The following CCDC158 variants were observed in gnomAD, a reference collection of about 807,000 sequenced individuals.
The protein encoded by CCDC158 is coiled-coil domain containing 158.
A neutral mutation model predicts 138.6 loss-of-function variants in CCDC158; 116 were observed. That is an observed-to-expected ratio of 0.84 (90% CI 0.72 to 0.98). The LOEUF (loss-of-function observed/expected upper bound fraction) is 0.98, where lower values mean the gene tolerates loss of function less well. CCDC158 is among the 50% of genes least tolerant of loss of function. The probability of loss-of-function intolerance (pLI) is 0.00; values close to 1 mark genes in which losing one functional copy is unlikely to be tolerated. For missense variants in CCDC158, 1,265 were observed against 1,306.1 expected (o/e 0.97, Z 0.48); for synonymous variants, 436 against 442.4 (o/e 0.99, Z 0.18).
chr4:76,361,959 T>A (rs1039730931), intron 13 of CCDC158, among the ~76,000 whole-genome samples, 167 bp downstream of exon 13: 2 of 152,202 alleles, frequency 1.3e-5, no homozygotes, highest in African/African-American at 4.8e-5. Flanking sequence ...GAACTCTTCA[T>A]GAAAACTATG....
intron 1 of CCDC158, among the ~76,000 whole-genome samples, chr4:76,415,097 T>C (rs537077327): frequency 1.3e-5 from 2 of 152,148 alleles, no homozygotes; most frequent in Non-Finnish European, 2.9e-5. Flanking sequence ...GGTGGTCAGA[T>C]GGAGATGAGG....
intron 1 of CCDC158, among the ~76,000 whole-genome samples, chr4:76,415,470 C>T (rs1207971803): frequency 6.6e-6 from 1 of 152,050 alleles, no homozygotes; most frequent in Non-Finnish European, 1.5e-5. Flanking sequence ...GGCGGCAAGC[C>T]ATCCAGGTGC....
At chr4:76,342,319 G>T (rs1424116563) in intron 18 of CCDC158, among the ~76,000 whole-genome samples, 1 of 152,132 alleles carries the variant, frequency 6.6e-6, no homozygotes, top group Non-Finnish European at 1.5e-5. Context: ...GGAATTTCAA[G>T]CATTAACCAC....
chr4:76,403,619 A>G (rs1349225806), intron 2 of CCDC158, among the ~76,000 whole-genome samples: 1 of 152,232 alleles, frequency 6.6e-6, no homozygotes, highest in Non-Finnish European at 1.5e-5. Flanking sequence ...GAAGTCACTA[A>G]TAAAAGTTGA....
At chr4:76,338,320 G>A (rs953992588) in intron 18 of CCDC158, among the ~76,000 whole-genome samples, 2 of 152,156 alleles carry the variant, frequency 1.3e-5, no homozygotes, top group Admixed American at 1.3e-4. Context: ...GACCAGCCTG[G>A]CCAACATAGC....
chr4:76,414,807 T>C (rs924042227), intron 1 of CCDC158, among the ~76,000 whole-genome samples: 3 of 152,254 alleles, frequency 2.0e-5, no homozygotes. Context: ...CCCAGCCGTG[T>C]GGAACTGTAA....
At chr4:76,345,383 C>T (rs1024462592) in intron 18 of CCDC158, 7 of 1,013,896 alleles carry the variant, frequency 6.9e-6, no homozygotes, top group South Asian at 1.3e-5. Flanking sequence ...GCAAAGACGT[C>T]AAATTGGCTG....
intron 3 of CCDC158, among the ~76,000 whole-genome samples, chr4:76,398,849 G>C (rs984221065): frequency 6.6e-6 from 1 of 152,032 alleles, no homozygotes; most frequent in Non-Finnish European, 1.5e-5. Context: ...GAGAGAGAGA[G>C]AGAGCGAATG....
At position 76,321,211 on chromosome 4, in the gene CCDC158, G is replaced by T. The variant is rs145441821; in HGVS notation, c.3277+2091C>A. Among the ~76,000 whole-genome samples, 602 of 152,162 alleles carry T rather than the reference G, an allele frequency of 4.0e-3. 4 individuals carry two copies. Among genetic ancestry groups the T allele is most frequent in the Non-Finnish European group, 6.6e-3 (450 of 67,970 alleles). ...GAAATGCAAATCAAAACAACAGTAT[G>T]ATACTACCTACTCCTGCAAGAATGG... is the stretch of plus-strand genomic sequence containing the variant. On this transcript the variant is annotated intron_variant, in intron 24 of 24. Transcript: ENST00000682701.
At chr4:76,396,520 GT>G in intron 3 of CCDC158, 34 bp from the exon 4 acceptor site, 16 of 1,527,220 alleles carry the variant, frequency 1.0e-5, no homozygotes, top group Admixed American at 3.7e-5. Flanking sequence ...TTAACTTTTC[GT>G]TTTTTTTGAG....
At chr4:76,361,203 C>T (rs1267024690) in intron 13 of CCDC158, among the ~76,000 whole-genome samples, 6 of 152,172 alleles carry the variant, frequency 3.9e-5, no homozygotes, top group African/African-American at 9.7e-5. Flanking sequence ...TTCCTGAGGC[C>T]TCCAAGCCAT....
At chr4:76,387,482 T>G (rs1310164130) in intron 4 of CCDC158, among the ~76,000 whole-genome samples, 2 of 151,360 alleles carry the variant, frequency 1.3e-5, no homozygotes, top group Non-Finnish European at 2.9e-5. Context: ...AGCTCAGGAG[T>G]TCGAGACCAG....
chr4:76,345,155 A>G (rs1186447006), intron 18 of CCDC158: 3 of 1,056,390 alleles, frequency 2.8e-6, no homozygotes, highest in Non-Finnish European at 3.0e-6. Context: ...AAGAGCCCAC[A>G]GTCATCAAAA....
At chr4:76,400,320 C>T (rs1225470916) in intron 3 of CCDC158, among the ~76,000 whole-genome samples, 8 of 147,634 alleles carry the variant, frequency 5.4e-5, no homozygotes, top group South Asian at 2.1e-4. Flanking sequence ...AACCAAACAC[C>T]GCATGTTCTT....
intron 3 of CCDC158, chr4:76,401,230 G>A (rs780972651): frequency 2.4e-5 from 9 of 375,114 alleles, no homozygotes; most frequent in East Asian, 7.1e-5. Context: ...AAACTTCTTC[G>A]CCAGTAGCAC....
intron 20 of CCDC158, 71 bp from the exon 21 acceptor site, chr4:76,331,474 G>A (rs940991895): frequency 7.6e-7 from 1 of 1,316,900 alleles, no homozygotes; most frequent in African/African-American, 1.4e-5. Flanking sequence ...ACAAAAGTTT[G>A]TGAGAAAAAT....
chr4:76,369,681 A>T, intron 10 of CCDC158, 58 bp from the exon 11 acceptor site: 2 of 1,440,676 alleles, frequency 1.4e-6, no homozygotes, highest in Non-Finnish European at 1.9e-6. Context: ...AAGATAAAAC[A>T]TATTGTCTTT....
At chr4:76,384,509 C>G in intron 5 of CCDC158, 47 bp downstream of exon 5, 1 of 1,566,874 alleles carries the variant, frequency 6.4e-7, no homozygotes, top group Non-Finnish European at 8.7e-7. Flanking sequence ...AAAATAATTT[C>G]ACATAATGAA....
At position 76,371,603 on chromosome 4, in the gene CCDC158, CT is replaced by C; in HGVS notation, c.1030-68del. The C allele has an allele frequency of 7.1e-6, 11 of 1,549,368 alleles. No homozygotes were observed. In the South Asian group the frequency reaches 1.2e-4, roughly 16 times the overall value. Reference sequence around the variant, plus strand: ...GTGGGTAATATAAAATAAATATAGACTTTGGAAAACAAATGGTATTATTTTG... The same window carrying C: ...GTGGGTAATATAAAATAAATATAGACTTGGAAAACAAATGGTATTATTTTG... On this transcript the variant is annotated intron_variant, in intron 9 of 24. Coordinates refer to ENST00000682701, the MANE Select transcript of CCDC158 (RefSeq NM_001394954.1).
Sources: gnomAD v4.1 joint callset for allele counts (sites outside exome capture counted in the v4.1 genomes callset) on GRCh38, gnomAD v4.1.1 for gene constraint, MANE v1.5 for transcripts, NCBI Gene and HGNC (gene_info 2026-07-23, HGNC 2026-07-21) for gene names.